MYRIP: variants seen among roughly 807,000 people sequenced by gnomAD.
The protein encoded by MYRIP is rab effector MyRIP.
MYRIP carries 49 observed loss-of-function variants against 98.0 expected under a neutral mutation model. The observed-to-expected ratio is 0.50, with a 90% CI of 0.40 to 0.63. The LOEUF (loss-of-function observed/expected upper bound fraction) is 0.63, where lower values mean the gene tolerates loss of function less well. Among genes scored for constraint, MYRIP ranks in the 30% least tolerant of loss-of-function variants. MYRIP has a pLI of 0.00. For synonymous variants in MYRIP, 404 were observed against 409.5 expected, an observed-to-expected ratio of 0.99 and a Z score of 0.16; for missense variants, 1,004 against 1,058.2, an observed-to-expected ratio of 0.95 and a Z score of 0.71.
chr3:39,827,623 C>A (rs1352311416), intron 1 of MYRIP, among the ~76,000 whole-genome samples: 1 of 152,066 alleles, frequency 6.6e-6, no homozygotes, highest in African/African-American at 2.4e-5. Flanking sequence ...AGGATTGGTT[C>A]CTTTTTTTTC....
At chr3:39,955,852 A>G (rs1281043970) in intron 2 of MYRIP, among the ~76,000 whole-genome samples, 1 of 152,038 alleles carries the variant, frequency 6.6e-6, no homozygotes, top group Admixed American at 6.5e-5. Context: ...GAAAATGGAA[A>G]ACAAAAAAAA....
intron 4 of MYRIP, among the ~76,000 whole-genome samples, chr3:40,159,629 C>T (rs942788723): frequency 1.3e-5 from 2 of 152,106 alleles, no homozygotes; most frequent in African/African-American, 4.8e-5. Flanking sequence ...CTTTCAGGTA[C>T]ACCAATCAGA....
chr3:40,161,763 C>CCCTT (rs1177203514), intron 4 of MYRIP, among the ~76,000 whole-genome samples: 1 of 151,782 alleles, frequency 6.6e-6, no homozygotes, highest in East Asian at 1.9e-4. Context: ...CCATTGCCTG[C>CCCTT]CCTTCCTCAC....
intron 13 of MYRIP, among the ~76,000 whole-genome samples, chr3:40,245,273 T>C (rs754443181): frequency 2.6e-5 from 4 of 152,154 alleles, no homozygotes; most frequent in African/African-American, 7.2e-5. Flanking sequence ...CTGTAAAAAA[T>C]TGACCATGGA....
intron 3 of MYRIP, among the ~76,000 whole-genome samples, chr3:40,076,971 A>G (rs757836575): frequency 3.9e-5 from 6 of 152,176 alleles, no homozygotes; most frequent in Admixed American, 2.0e-4. Flanking sequence ...CTTACCATGT[A>G]CTATTGTGTC....
intron 1 of MYRIP, chr3:39,810,796 TC>T (rs1052630322): frequency 1.3e-5 from 2 of 152,244 alleles, no homozygotes; most frequent in Non-Finnish European, 2.9e-5. Context: ...TAAGTACGTA[TC>T]CCAAAACTCT....
chr3:40,086,376 A>C (rs1436863675), intron 3 of MYRIP, among the ~76,000 whole-genome samples: 2 of 152,148 alleles, frequency 1.3e-5, no homozygotes, highest in Non-Finnish European at 2.9e-5. Flanking sequence ...ATACTTAATG[A>C]ACTTGCTTTT....
At chr3:40,258,102 C>T in intron 16 of MYRIP, 32 bp from the exon 17 acceptor site, 2 of 1,613,652 alleles carry the variant, frequency 1.2e-6, no homozygotes, top group South Asian at 1.1e-5. Flanking sequence ...TCCCAAGTGG[C>T]TGATGGGAGT....
chr3:40,210,988 GTGTCTCC>G, intron 11 of MYRIP, among the ~76,000 whole-genome samples: 1 of 61,012 alleles, frequency 1.6e-5, no homozygotes, highest in Non-Finnish European at 3.5e-5. Context: ...TGTCTCCTCT[GTGTCTCC>G]TCTGTGCGTG....
At chr3:39,850,001 C>T (rs1256113741) in intron 1 of MYRIP, among the ~76,000 whole-genome samples, 1 of 152,168 alleles carries the variant, frequency 6.6e-6, no homozygotes, top group African/African-American at 2.4e-5. Context: ...CCTGTACTTC[C>T]TGAGAGGGAA....
At chr3:39,929,433 T>C (rs1279523729) in intron 2 of MYRIP, among the ~76,000 whole-genome samples, 1 of 152,016 alleles carries the variant, frequency 6.6e-6, no homozygotes, top group Non-Finnish European at 1.5e-5. Context: ...TAAAACAATT[T>C]TGAAAAAGAA....
intron 2 of MYRIP, among the ~76,000 whole-genome samples, chr3:39,932,925 G>T (rs1244756749): frequency 6.6e-6 from 1 of 152,182 alleles, no homozygotes; most frequent in East Asian, 1.9e-4. Flanking sequence ...ATATTTTAAA[G>T]TAATCATAAT....
At chr3:39,860,228 C>A (rs1262613675) in intron 1 of MYRIP, among the ~76,000 whole-genome samples, 1 of 152,166 alleles carries the variant, frequency 6.6e-6, no homozygotes, top group Non-Finnish European at 1.5e-5. Flanking sequence ...AGGTGAGGAG[C>A]AACCTGCTCT....
intron 2 of MYRIP, among the ~76,000 whole-genome samples, chr3:39,917,880 A>G (rs1263161419): frequency 6.6e-6 from 1 of 152,140 alleles, no homozygotes; most frequent in Non-Finnish European, 1.5e-5. Context: ...CTTTATCTAT[A>G]TAAATAACCT....
rs1948225012 is a variant in MYRIP at position 40,071,434 on chromosome 3, G to C, written c.332+27163G>C. On this transcript the variant is annotated intron_variant, in intron 3 of 16. Transcript: ENST00000302541. ...TCAGGAGTTTGACCATAGAGAATGG[G>C]GTAAAAGCTGGGACAGTTGTGGGGT... 2.0e-5 allele frequency among the ~76,000 whole-genome samples: 3 copies of C among 152,160 alleles called. No homozygotes were observed. In the South Asian group the frequency reaches 6.2e-4, roughly 32 times the overall value.
intron 3 of MYRIP, among the ~76,000 whole-genome samples, chr3:40,054,399 A>T (rs1035621092): frequency 2.6e-5 from 4 of 152,170 alleles, no homozygotes; most frequent in African/African-American, 9.7e-5. Flanking sequence ...GTTTGTTTGC[A>T]TAAGGGACTA....
At chr3:40,165,521 G>A (rs1362798916) in intron 5 of MYRIP, among the ~76,000 whole-genome samples, 1 of 152,140 alleles carries the variant, frequency 6.6e-6, no homozygotes, top group Non-Finnish European at 1.5e-5. Flanking sequence ...GAAACAGGAG[G>A]TTGAAATTGG....
intron 1 of MYRIP, among the ~76,000 whole-genome samples, chr3:39,875,197 C>G (rs1401643511): frequency 6.6e-6 from 1 of 152,112 alleles, no homozygotes; most frequent in Non-Finnish European, 1.5e-5. Context: ...AGGCCTTTAT[C>G]ATTTTTTATT....
chr3:39,899,648 CATG>C (rs1288354109), intron 1 of MYRIP, among the ~76,000 whole-genome samples: 7 of 152,062 alleles, frequency 4.6e-5, no homozygotes, highest in Admixed American at 3.3e-4. Flanking sequence ...TAAAATGAAA[CATG>C]ATTGTATTAC....
Sources: gnomAD v4.1 joint callset for allele counts (sites outside exome capture counted in the v4.1 genomes callset) on GRCh38, gnomAD v4.1.1 for gene constraint, MANE v1.5 for transcripts, NCBI Gene and HGNC (gene_info 2026-07-23, HGNC 2026-07-21) for gene names.